CPSF6: variants seen among roughly 807,000 people sequenced by gnomAD.
CPSF6 encodes cleavage and polyadenylation specificity factor subunit 6.
CPSF6 carries 10 observed loss-of-function variants against 56.7 expected under a neutral mutation model. The observed-to-expected ratio is 0.18, with a 90% CI of 0.11 to 0.30. The LOEUF (loss-of-function observed/expected upper bound fraction) is 0.30. Among genes scored for constraint, CPSF6 ranks in the 10% least tolerant of loss-of-function variants. CPSF6 has a pLI of 1.00. For synonymous variants in CPSF6, 248 were observed against 244.8 expected (o/e 1.01, Z -0.12); for missense variants, 419 against 722.9 (o/e 0.58, Z 4.82).
At position 69,258,521 on chromosome 12, in the gene CPSF6, G is replaced by T; in HGVS notation, c.695-69G>T. 1 of 1,458,974 alleles carries T rather than the reference G, an allele frequency of 6.9e-7. No homozygotes were observed. 90.4% of individuals were successfully genotyped at this position (1,458,974 alleles called of 1,614,324 possible). The stretch of plus-strand genomic sequence containing the variant: ...CTCTATGCGTTTAAAGTATAATCTT[G>T]GCATATAAAAGTTAAAATATCTTAT... On this transcript the variant is annotated intron_variant, in intron 5 of 9. Transcript: ENST00000435070. The surrounding 1 kb of genome is among the most constrained non-coding windows in gnomAD (Gnocchi z 4.2).
intron 3 of CPSF6, among the ~76,000 whole-genome samples, chr12:69,256,418 T>G (rs1872511884): frequency 6.6e-6 from 1 of 152,184 alleles, no homozygotes; most frequent in Non-Finnish European, 1.5e-5. Flanking sequence ...TTAAGAAATA[T>G]TTTTAGTTTT....
rs942235875 is a variant in CPSF6 at position 69,273,897 on chromosome 12, T to C, written c.*4389T>C. On this transcript the variant is annotated 3_prime_UTR_variant, in exon 10 of 10. Transcript: ENST00000435070. ...ACAGCCCTGTACAGCCTTACAAAGT[T>C]GTTTTACAATTTTTAATGGAAAGCC... 3 of 151,946 alleles carry C rather than the reference T, an allele frequency of 2.0e-5. No homozygotes were observed. In the South Asian group the frequency reaches 6.2e-4, roughly 31 times the overall value. The allele number at this position is 151,946 out of a possible 1,614,324, so 9.4% of individuals were successfully genotyped here.
At position 69,272,135 on chromosome 12, in the gene CPSF6, G is replaced by A. The variant is rs1460186225; in HGVS notation, c.*2627G>A. ...ACTATGTTGTGGAAAGCATATTCCA[G>A]TGTAAATTTGCAGATGTGTGTTTTT... is the stretch of plus-strand genomic sequence containing the variant. On this transcript the variant is annotated 3_prime_UTR_variant, in exon 10 of 10. Coordinates refer to ENST00000435070, the MANE Select transcript of CPSF6 (RefSeq NM_007007.3). 1.4e-5 allele frequency: 2 copies of A among 144,786 alleles called. No individual in the cohort carries two copies. Among genetic ancestry groups the A allele is most frequent in the Non-Finnish European group, 3.1e-5 (2 of 65,466 alleles). The allele number at this position is 144,786 out of a possible 1,614,324, so 9.0% of individuals were successfully genotyped here.
chr12:69,263,127 C>T (rs774935704), intron 9 of CPSF6, among the ~76,000 whole-genome samples: 9 of 151,608 alleles, frequency 5.9e-5, no homozygotes, highest in Admixed American at 4.6e-4. Context: ...ACTATCCTGA[C>T]ATCTGCTTTT....
At chr12:69,268,651 C>T (rs756135537) in intron 9 of CPSF6, among the ~76,000 whole-genome samples, 1 of 151,600 alleles carries the variant, frequency 6.6e-6, no homozygotes, top group African/African-American at 2.4e-5. Flanking sequence ...CTTTCATTAC[C>T]GACTGTTTCA....
At position 69,239,577 on chromosome 12, in the gene CPSF6, C is replaced by T; in HGVS notation, c.-70C>T. 2 of 1,512,240 alleles carry T rather than the reference C, an allele frequency of 1.3e-6. No homozygotes were observed. The highest frequency in any genetic ancestry group is 1.8e-6 in the Non-Finnish European group (2 of 1,129,694). 93.7% of individuals were successfully genotyped at this position (1,512,240 alleles called of 1,614,324 possible). ...AGCGCCCCCCCACCGCCGCTAGATC[C>T]GCTGCTGCTGCCGCGGCGGGCAGAC... On this transcript the variant is annotated 5_prime_UTR_variant, in exon 1 of 10. Coordinates refer to ENST00000435070, the MANE Select transcript of CPSF6 (RefSeq NM_007007.3).
At chr12:69,249,465 A>G (rs1255503319) in intron 1 of CPSF6, among the ~76,000 whole-genome samples, 2 of 152,004 alleles carry the variant, frequency 1.3e-5, no homozygotes, top group Non-Finnish European at 2.9e-5. Context: ...ATAGTCCCTA[A>G]AACCATTAGC....
chr12:69,250,436 A>C (rs528900465), intron 1 of CPSF6, among the ~76,000 whole-genome samples: 21 of 151,864 alleles, frequency 1.4e-4, no homozygotes, highest in African/African-American at 5.1e-4. Context: ...ATATTATAAT[A>C]AATATCAGTG....
At chr12:69,252,161 A>G (rs750583758) in intron 2 of CPSF6, 4 of 450,788 alleles carry the variant, frequency 8.9e-6, no homozygotes, top group East Asian at 1.4e-4. Context: ...TGAAGCCTCA[A>G]ACTCCTGGGC....
intron 9 of CPSF6, among the ~76,000 whole-genome samples, chr12:69,268,821 G>C (rs1410318951): frequency 2.0e-5 from 3 of 151,400 alleles, no homozygotes; most frequent in Admixed American, 1.3e-4. Flanking sequence ...TTCCCACTTA[G>C]CTTGTTTTGG....
intron 1 of CPSF6, 68 bp downstream of exon 1, chr12:69,239,774 C>A: frequency 7.0e-7 from 1 of 1,427,580 alleles, no homozygotes; most frequent in Non-Finnish European, 9.3e-7. Context: ...GACCCGGGGC[C>A]CGCTGCGGCC....
Position 69,272,081 on chromosome 12 carries a change from G to A in CPSF6, c.*2573G>A, listed in dbSNP as rs1278316280. ...GTACTGCTTCTGAGGCAACACTTTG[G>A]ATTGAAAGTGCTGCTTTTGGTTAAA... On this transcript the variant is annotated 3_prime_UTR_variant, in exon 10 of 10. Transcript: ENST00000435070. 2.6e-5 allele frequency: 4 copies of A among 151,448 alleles called. No homozygotes were observed. Among genetic ancestry groups the A allele is most frequent in the African/African-American group, 4.8e-5 (2 of 41,354 alleles). 9.4% of individuals were successfully genotyped at this position (151,448 alleles called of 1,614,324 possible). A position where few individuals can be genotyped will look rare whatever the true frequency, so the allele number is the denominator to read the frequency against.
chr12:69,266,243 C>G (rs903502936), intron 9 of CPSF6, among the ~76,000 whole-genome samples: 14 of 151,806 alleles, frequency 9.2e-5, no homozygotes, highest in African/African-American at 3.4e-4. Flanking sequence ...TCCTTGTTTT[C>G]CCATGTATCC....
Position 69,270,208 on chromosome 12 carries a change from A to G in CPSF6, c.*700A>G, listed in dbSNP as rs995486963. 1.8e-4 allele frequency: 27 copies of G among 152,048 alleles called. No individual in the cohort carries two copies. The highest frequency in any genetic ancestry group is 6.5e-4 in the African/African-American group (27 of 41,358). The allele number at this position is 152,048 out of a possible 1,614,324, so 9.4% of individuals were successfully genotyped here. A position where few individuals can be genotyped will look rare whatever the true frequency, so the allele number is the denominator to read the frequency against. Reference sequence around the variant, plus strand: ...ATATTCTGCTTTTCTAGCTGTTTTTACCTAGTTAGCTTGTGACTTTGCTGA... The same window carrying G: ...ATATTCTGCTTTTCTAGCTGTTTTTGCCTAGTTAGCTTGTGACTTTGCTGA... On this transcript the variant is annotated 3_prime_UTR_variant, in exon 10 of 10. Coordinates refer to ENST00000435070, the MANE Select transcript of CPSF6 (RefSeq NM_007007.3).
At chr12:69,251,913 A>G (rs745614996) in intron 2 of CPSF6, among the ~76,000 whole-genome samples, 1 of 152,230 alleles carries the variant, frequency 6.6e-6, no homozygotes, top group African/African-American at 2.4e-5. Context: ...TATTAATATT[A>G]CATCTTAAGT....
Position 69,273,290 on chromosome 12 carries a change from C to A in CPSF6, c.*3782C>A. 2.7e-6 allele frequency: 1 copy of A among 375,446 alleles called. No homozygotes were observed. The highest frequency in any genetic ancestry group is 5.4e-6 in the Non-Finnish European group (1 of 183,912). The allele number at this position is 375,446 out of a possible 1,614,324, so 23.3% of individuals were successfully genotyped here. On this transcript the variant is annotated 3_prime_UTR_variant, in exon 10 of 10. Transcript: ENST00000435070. ...AACCAATGTTCTTTTTTTAGAATTTCAGGTTGTGGCATTCACTGAGTATGC... is the reference window on the plus strand; with the variant it reads ...AACCAATGTTCTTTTTTTAGAATTTAAGGTTGTGGCATTCACTGAGTATGC...
In CPSF6 at chr12:69,263,009, T is replaced by C. The variant is rs550358764; in HGVS notation, c.*3+447T>C. Reference sequence around the variant, plus strand: ...AACTAGTTTTATTTGTCCCTAAAAATTTATGAGAAAATCTAACACAATAAT... The same window carrying C: ...AACTAGTTTTATTTGTCCCTAAAAACTTATGAGAAAATCTAACACAATAAT... On this transcript the variant is annotated intron_variant, in intron 9 of 9. Transcript: ENST00000435070. 1.9e-3 allele frequency among the ~76,000 whole-genome samples: 284 copies of C among 152,230 alleles called. 1 individual carries two copies. The highest frequency in any genetic ancestry group is 6.4e-3 in the African/African-American group (265 of 41,574).
intron 8 of CPSF6, 37 bp from the exon 9 acceptor site, chr12:69,262,332 CTAAT>C: frequency 6.8e-7 from 1 of 1,480,670 alleles, no homozygotes; most frequent in Non-Finnish European, 9.0e-7. Flanking sequence ...TTTAGGCTAT[CTAAT>C]TATGGAGAGC....
rs544309957 is a variant in CPSF6 at position 69,260,266 on chromosome 12, A to C, written c.1469+69A>C. On this transcript the variant is annotated intron_variant, in intron 8 of 9. Coordinates refer to ENST00000435070, the MANE Select transcript of CPSF6 (RefSeq NM_007007.3). The stretch of plus-strand genomic sequence containing the variant: ...TTACAAATGGAAAAAATACTGTGAG[A>C]CTTTAAAAGGAGGACTTTGCTTTTA... 8 of 1,232,776 alleles carry C rather than the reference A, an allele frequency of 6.5e-6. No homozygotes were observed. In the East Asian group the frequency reaches 1.9e-4, roughly 29 times the overall value. The allele number at this position is 1,232,776 out of a possible 1,614,324, so 76.4% of individuals were successfully genotyped here.
Sources: gnomAD v4.1 joint callset for allele counts (sites outside exome capture counted in the v4.1 genomes callset) on GRCh38, gnomAD v4.1.1 for gene constraint, Gnocchi (gnomAD v3.1) non-coding constraint, MANE v1.5 for transcripts, NCBI Gene and HGNC (gene_info 2026-07-23, HGNC 2026-07-21) for gene names.